The following ZNF385D variants were observed in gnomAD, a reference collection of about 807,000 sequenced individuals.
ZNF385D encodes the protein zinc finger protein 385D, also known as zinc finger protein 659.
In ZNF385D, 15 loss-of-function variants were observed where a neutral mutation model predicts 35.8. The ratio of observed to expected loss-of-function variants is 0.42; its 90% CI spans 0.28 to 0.64. The LOEUF is 0.64. Among genes scored for constraint, ZNF385D ranks in the 30% least tolerant of loss-of-function variants. The pLI is 0.23. For synonymous variants in ZNF385D, 212 were observed against 186.8 expected (o/e 1.13, Z -1.10); for missense variants, 474 against 494.6 (o/e 0.96, Z 0.39).
At chr3:21,935,208 A>T (rs1226027493) in intron 3 of ZNF385D, among the ~76,000 whole-genome samples, 1 of 152,202 alleles carries the variant, frequency 6.6e-6, no homozygotes, top group Non-Finnish European at 1.5e-5. Flanking sequence ...TATGCCATTG[A>T]TATTAGCAAT....
chr3:22,353,897 T>A (rs1373564670), intron 2 of ZNF385D, among the ~76,000 whole-genome samples: 1 of 152,100 alleles, frequency 6.6e-6, no homozygotes, highest in African/African-American at 2.4e-5. Context: ...AGGACTGAAA[T>A]CATTGTTGAT....
chr3:21,935,123 G>A (rs1031796006), intron 3 of ZNF385D, among the ~76,000 whole-genome samples: 9 of 152,098 alleles, frequency 5.9e-5, no homozygotes, highest in African/African-American at 1.9e-4. Context: ...CTAGTTAAGT[G>A]CATAATGATA....
rs552302046 is a variant in ZNF385D, at chr3:22,002,984, A to G, written c.325+165833T>C. ...GCTAATATCATGCTGAATGGGGAAA[A>G]GCTGGAAGCCTTTTCTCTAAGAACT... is the stretch of plus-strand genomic sequence containing the variant. On this transcript the variant is annotated intron_variant, in intron 3 of 5. Transcript: ENST00000494108. Among the ~76,000 whole-genome samples the G allele has an allele frequency of 7.1e-4, 108 of 152,304 alleles. 3 individuals are homozygous for G. In the South Asian group the frequency reaches 0.022, roughly 30 times the overall value.
chr3:21,772,455 A>G (rs1367782457), intron 3 of ZNF385D, among the ~76,000 whole-genome samples: 1 of 151,982 alleles, frequency 6.6e-6, no homozygotes, highest in Non-Finnish European at 1.5e-5. Context: ...ATAATATGCA[A>G]ATGGTGAATA....
chr3:21,508,067 A>G (rs926203127), intron 4 of ZNF385D, among the ~76,000 whole-genome samples: 1 of 151,978 alleles, frequency 6.6e-6, no homozygotes, highest in Non-Finnish European at 1.5e-5. Flanking sequence ...TTAGGAAAGC[A>G]ATGTCTTTCC....
intron 3 of ZNF385D, among the ~76,000 whole-genome samples, chr3:21,757,520 A>C (rs1176016126): frequency 6.6e-6 from 1 of 152,192 alleles, no homozygotes; most frequent in African/African-American, 2.4e-5. Flanking sequence ...AATAACCAGC[A>C]TTGAGAGCCA....
intron 3 of ZNF385D, chr3:21,562,180 C>T (rs1559407748): frequency 1.3e-5 from 2 of 151,950 alleles, no homozygotes; most frequent in Non-Finnish European, 2.9e-5. Flanking sequence ...ACTTCAGTAA[C>T]AAAATAAATT....
In ZNF385D at chr3:22,157,466, T is replaced by C. The variant is rs531327645; in HGVS notation, c.325+11351A>G. ...TCTTTCTTTTTGTTGTTTTTTTTAA[T>C]AACACCCCCAGATGTAGCTATTCTA... On this transcript the variant is annotated intron_variant, in intron 3 of 5. Transcript: ENST00000494108. Among the ~76,000 whole-genome samples, 70 of 152,230 alleles carry C rather than the reference T, an allele frequency of 4.6e-4. 2 individuals are homozygous for C. The South Asian group carries it at 0.013, about 28-fold the overall frequency.
chr3:22,339,911 A>G (rs1695347407), intron 2 of ZNF385D, among the ~76,000 whole-genome samples: 1 of 152,248 alleles, frequency 6.6e-6, no homozygotes, highest in South Asian at 2.1e-4. Flanking sequence ...TTCTCCACCT[A>G]ACCCTCTGAG....
At chr3:22,307,272 G>A (rs918329480) in intron 2 of ZNF385D, among the ~76,000 whole-genome samples, 10 of 152,128 alleles carry the variant, frequency 6.6e-5, no homozygotes, top group Admixed American at 3.3e-4. Flanking sequence ...TAGGAATGAA[G>A]ATAAGTCTGC....
At chr3:21,963,934 T>A (rs995995582) in intron 3 of ZNF385D, among the ~76,000 whole-genome samples, 3 of 152,166 alleles carry the variant, frequency 2.0e-5, no homozygotes, top group African/African-American at 7.2e-5. Context: ...CTAATATTAA[T>A]GTTATTTTAT....
At chr3:22,258,270 C>T (rs1379166811) in intron 2 of ZNF385D, among the ~76,000 whole-genome samples, 1 of 151,530 alleles carries the variant, frequency 6.6e-6, no homozygotes, top group Non-Finnish European at 1.5e-5. Flanking sequence ...AACATTTACT[C>T]AAAGAGAGGA....
chr3:21,627,547 C>A (rs1047364304), intron 2 of ZNF385D, among the ~76,000 whole-genome samples: 5 of 152,080 alleles, frequency 3.3e-5, no homozygotes, highest in African/African-American at 4.8e-5. Context: ...ATTCCCATCC[C>A]TGAAATTCTA....
At chr3:21,736,334 T>C (rs1055067379) in intron 1 of ZNF385D, among the ~76,000 whole-genome samples, 1 of 152,214 alleles carries the variant, frequency 6.6e-6, no homozygotes, top group African/African-American at 2.4e-5. Context: ...CCAGTTTATT[T>C]CTAAGCCTAT....
At chr3:22,309,911 A>G (rs975987648) in intron 2 of ZNF385D, among the ~76,000 whole-genome samples, 2 of 152,046 alleles carry the variant, frequency 1.3e-5, no homozygotes, top group African/African-American at 4.8e-5. Context: ...AGACATTATA[A>G]GAGCCAAAGT....
intron 4 of ZNF385D, among the ~76,000 whole-genome samples, chr3:21,445,695 C>A (rs964920747): frequency 6.6e-6 from 1 of 152,188 alleles, no homozygotes; most frequent in East Asian, 1.9e-4. Flanking sequence ...ACAGTGTCTG[C>A]CAGACTGTTG....
At chr3:21,677,218 G>A (rs2066756725) in intron 1 of ZNF385D, among the ~76,000 whole-genome samples, 1 of 152,062 alleles carries the variant, frequency 6.6e-6, no homozygotes, top group Non-Finnish European at 1.5e-5. Flanking sequence ...TAAATCTGAG[G>A]CAGCTTTTGG....
chr3:21,527,564 A>G (rs1708299701), intron 3 of ZNF385D, among the ~76,000 whole-genome samples: 1 of 152,198 alleles, frequency 6.6e-6, no homozygotes, highest in South Asian at 2.1e-4. Context: ...AAGACTACAG[A>G]GGAGTCAAAT....
intron 1 of ZNF385D, among the ~76,000 whole-genome samples, chr3:21,745,724 T>C (rs2069737472): frequency 2.0e-5 from 3 of 152,220 alleles, no homozygotes; most frequent in Admixed American, 2.0e-4. Context: ...TTTTTTGACA[T>C]GTTTTTCCTA....
Sources: gnomAD v4.1 joint callset for allele counts (sites outside exome capture counted in the v4.1 genomes callset) on GRCh38, gnomAD v4.1.1 for gene constraint, MANE v1.5 for transcripts, NCBI Gene and HGNC (gene_info 2026-07-23, HGNC 2026-07-21) for gene names.